CACNA1A: variants seen among roughly 807,000 people sequenced by gnomAD.
CACNA1A encodes voltage-dependent P/Q-type calcium channel subunit alpha-1A.
A neutral mutation model predicts 262.4 loss-of-function variants in CACNA1A; 57 were observed. That is an observed-to-expected ratio of 0.22 (90% CI 0.18 to 0.27). The LOEUF (loss-of-function observed/expected upper bound fraction) is 0.27, where lower values mean the gene tolerates loss of function less well. Ranked by LOEUF, CACNA1A falls within the 10% of genes least tolerant of loss-of-function variation. CACNA1A has a pLI of 1.00. For synonymous variants in CACNA1A, 1,431 were observed against 1,419.3 expected (o/e 1.01, Z -0.18); for missense variants, 2,526 against 3,562.8 (o/e 0.71, Z 7.41).
chr19:13,341,736 C>T (rs7253483), intron 6 of CACNA1A, among the ~76,000 whole-genome samples: 106,119 of 151,964 alleles, frequency 0.7, 37,161 homozygotes, highest in Admixed American at 0.77. Context: ...TACAATTGCA[C>T]CCCTCATTTC....
intron 1 of CACNA1A, among the ~76,000 whole-genome samples, chr19:13,473,813 T>G (rs1978301298): frequency 6.6e-6 from 1 of 151,122 alleles, no homozygotes; most frequent in Admixed American, 6.6e-5. Flanking sequence ...TCTCCTTCAT[T>G]TCTCTTTACA....
chr19:13,283,705 G>A, intron 21 of CACNA1A: 1 of 228,068 alleles, frequency 4.4e-6, no homozygotes, highest in Non-Finnish European at 8.7e-6. Flanking sequence ...CCTTAATTCT[G>A]TAGGAGATAA....
chr19:13,467,882 G>C (rs539896923), intron 1 of CACNA1A, among the ~76,000 whole-genome samples: 1 of 152,084 alleles, frequency 6.6e-6, no homozygotes, highest in Non-Finnish European at 1.5e-5. Flanking sequence ...TGAGATTACA[G>C]GCATGAGCCA....
chr19:13,357,629 C>A (rs1411962073), intron 6 of CACNA1A, among the ~76,000 whole-genome samples: 2 of 152,286 alleles, frequency 1.3e-5, no homozygotes, highest in African/African-American at 4.8e-5. Context: ...TGCTTACCTG[C>A]ATAGTAGGTG....
intron 35 of CACNA1A, among the ~76,000 whole-genome samples, chr19:13,231,100 C>T (rs2055651527): frequency 6.6e-6 from 1 of 151,832 alleles, no homozygotes; most frequent in Non-Finnish European, 1.5e-5. Flanking sequence ...ACCTCCAAGG[C>T]TCAAGTGATC....
rs2056739488 is a variant in CACNA1A at position 13,261,773 on chromosome 19, A to T, written c.4090-163T>A. 4.6e-6 allele frequency: 3 copies of T among 656,732 alleles called. No homozygotes were observed. The African/African-American group carries it at 5.4e-5, about 12-fold the overall frequency. 40.7% of individuals were successfully genotyped at this position (656,732 alleles called of 1,614,324 possible). On this transcript the variant is annotated intron_variant, in intron 25 of 46. Transcript: ENST00000360228. ...AAGGTCCCCCCAGCTTTCAGAAATA[A>T]GCGTTGGAGGAGTTGGACTCAATCC...
intron 3 of CACNA1A, chr19:13,451,257 A>T (rs781773842): frequency 1.3e-5 from 2 of 152,350 alleles, no homozygotes; most frequent in African/African-American, 2.4e-5. Context: ...ACAAATCTGC[A>T]TTGTGAGAGC....
intron 2 of CACNA1A, among the ~76,000 whole-genome samples, chr19:13,453,536 C>A (rs1270697388): frequency 6.6e-6 from 1 of 152,176 alleles, no homozygotes; most frequent in East Asian, 1.9e-4. Context: ...GCATTGACCT[C>A]ACTCCTAAAT....
chr19:13,432,103 C>CAAAAAAAAAAAA (rs71170513), intron 3 of CACNA1A, among the ~76,000 whole-genome samples: 26 of 64,392 alleles, frequency 4.0e-4, no homozygotes, highest in African/African-American at 1.5e-3. Flanking sequence ...GACTCCGTCT[C>CAAAAAAAAAAAA]AAAAAAAAAA....
rs368239566 is a variant in CACNA1A at position 13,310,509 on chromosome 19, T to G, written c.1669-1981A>C. Among the ~76,000 whole-genome samples, 446 of 35,822 alleles carry G rather than the reference T, an allele frequency of 0.012. 102 individuals carry two copies. In the East Asian group the frequency reaches 0.31, roughly 25 times the overall value. 23.5% of individuals were successfully genotyped at this position (35,822 alleles called of 152,430 possible). On this transcript the variant is annotated intron_variant, in intron 12 of 46. Transcript: ENST00000360228. ...AAAAAAATATATATATATATATATATATATGTAGAGAGAGAGAGAGAGTTT... is the reference window on the plus strand; with the variant it reads ...AAAAAAATATATATATATATATATAGATATGTAGAGAGAGAGAGAGAGTTT...
intron 3 of CACNA1A, among the ~76,000 whole-genome samples, chr19:13,413,110 TTTG>T (rs1328381099): frequency 3.2e-4 from 46 of 145,078 alleles, no homozygotes; most frequent in African/African-American, 1.3e-3. Context: ...GTTTTTTTTT[TTTG>T]TTTTTTTTTT....
intron 1 of CACNA1A, among the ~76,000 whole-genome samples, chr19:13,502,308 C>A (rs1396730140): frequency 6.6e-6 from 1 of 152,160 alleles, no homozygotes; most frequent in Non-Finnish European, 1.5e-5. Flanking sequence ...ACGTGTAATT[C>A]AGGCAACTGT....
chr19:13,225,423 C>T (rs1024704629), intron 37 of CACNA1A: 1 of 152,406 alleles, frequency 6.6e-6, no homozygotes, highest in Admixed American at 6.5e-5. Context: ...AAGTGTATCT[C>T]AGGGGCATGT....
At chr19:13,227,802 G>C in intron 36 of CACNA1A, 2 of 187,210 alleles carry the variant, frequency 1.1e-5, no homozygotes, top group Non-Finnish European at 2.2e-5. Context: ...AAAGAGAAAA[G>C]TCAGATTCAG....
intron 10 of CACNA1A, among the ~76,000 whole-genome samples, chr19:13,325,669 A>G (rs1289714041): frequency 1.3e-5 from 2 of 152,144 alleles, no homozygotes; most frequent in African/African-American, 4.8e-5. Flanking sequence ...TCCTGGCCTC[A>G]AGCCTGTCTT....
chr19:13,251,126 T>G (rs2056383167), intron 30 of CACNA1A, among the ~76,000 whole-genome samples: 1 of 82,456 alleles, frequency 1.2e-5, no homozygotes, highest in Admixed American at 1.3e-4. Context: ...AGCAAGACTG[T>G]GTCTCAAAAA....
At chr19:13,437,996 C>T (rs2060644189) in intron 3 of CACNA1A, among the ~76,000 whole-genome samples, 1 of 152,208 alleles carries the variant, frequency 6.6e-6, no homozygotes, top group Admixed American at 6.5e-5. Context: ...TCAGATATCA[C>T]AGTGAGATTT....
chr19:13,334,090 G>A (rs2058515059), intron 8 of CACNA1A: 4 of 330,780 alleles, frequency 1.2e-5, no homozygotes, highest in Admixed American at 4.4e-5. Flanking sequence ...CTGAGGAAAC[G>A]GAGGTACAGG....
At chr19:13,396,170 CA>C (rs533302279) in intron 3 of CACNA1A, among the ~76,000 whole-genome samples, 261 of 152,338 alleles carry the variant, frequency 1.7e-3, no homozygotes, top group Non-Finnish European at 2.2e-3. Context: ...TTGGCCACTA[CA>C]AAACCAAGGT....
Sources: gnomAD v4.1 joint callset for allele counts (sites outside exome capture counted in the v4.1 genomes callset) on GRCh38, gnomAD v4.1.1 for gene constraint, MANE v1.5 for transcripts, NCBI Gene and HGNC (gene_info 2026-07-23, HGNC 2026-07-21) for gene names.